ZC3H7B: variants seen among roughly 807,000 people sequenced by gnomAD.
The protein encoded by ZC3H7B is zinc finger CCCH-type containing 7B.
Under a neutral mutation model 116.0 loss-of-function variants are expected in ZC3H7B, and 35 were observed. The ratio of observed to expected loss-of-function variants is 0.30; its 90% CI spans 0.23 to 0.40. ZC3H7B has a LOEUF of 0.40. ZC3H7B is among the 10% of genes least tolerant of loss of function. The pLI is 1.00. For missense variants in ZC3H7B, 1,011 were observed against 1,321.5 expected, an observed-to-expected ratio of 0.77 and a Z score of 3.64; for synonymous variants, 502 against 545.6, an observed-to-expected ratio of 0.92 and a Z score of 1.11.
chr22:41,340,717 C>T (rs1025087904), intron 10 of ZC3H7B, among the ~76,000 whole-genome samples: 4 of 152,214 alleles, frequency 2.6e-5, no homozygotes, highest in Admixed American at 6.5e-5. Flanking sequence ...AAAAGTTCAC[C>T]TGCCAGGCAG....
intron 7 of ZC3H7B, chr22:41,336,783 G>T (rs1438599512): frequency 6.6e-6 from 1 of 152,022 alleles, no homozygotes; most frequent in Non-Finnish European, 1.5e-5. Flanking sequence ...GTCGGAGGTT[G>T]TAGTGAGCTG....
rs780626230 is a variant in ZC3H7B, at chr22:41,340,104, C to T, written c.1105C>T (p.Arg369Ter). 17 of 1,610,656 alleles carry T rather than the reference C, an allele frequency of 1.1e-5. No homozygotes were observed. Among genetic ancestry groups the T allele is most frequent in the Non-Finnish European group, 2.5e-6 (3 of 1,179,134 alleles). The part of the protein sequence containing the change: ...LDALDSFGST[R>*]GSLDKPDSFM... The stretch of plus-strand genomic sequence containing the variant: ...TGCACTCGACAGCTTTGGGTCGACA[C>T]GAGGCTCCCTGGACAAACCTGACTC... The change falls in exon 10 of 23, where the codon CGA (arginine) becomes TGA (stop). Residue 369 changes from arginine (R) to a stop codon, truncating the protein, a stop_gained. Coordinates refer to ENST00000352645, the MANE Select transcript of ZC3H7B (RefSeq NM_017590.6). LOFTEE classifies it high-confidence loss of function.
chr22:41,342,581 C>A lies in ZC3H7B; in HGVS notation c.1250C>A (p.Ala417Asp), dbSNP rs1170651115. 3 of 1,613,334 alleles carry A rather than the reference C, an allele frequency of 1.9e-6. No individual in the cohort carries two copies. Among genetic ancestry groups the A allele is most frequent in the Non-Finnish European group, 1.7e-6 (2 of 1,179,918 alleles). ...TTGCTCATCAAGAACCCCTTGGCTG[C>A]CACCCACGAGTTCAAGCAGGCCTGC... ...TALLIKNPLA[A>D]THEFKQACQL... Residue 417 changes from alanine to aspartate, a missense_variant, in exon 12 of 23, where the codon GCC becomes GAC. Physicochemically the swap from Ala to Asp is moderately radical, Grantham distance 126. Transcript: ENST00000352645.
intron 1 of ZC3H7B, among the ~76,000 whole-genome samples, chr22:41,303,208 G>A (rs2035996798): frequency 6.6e-6 from 1 of 152,242 alleles, no homozygotes; most frequent in South Asian, 2.1e-4. Flanking sequence ...GATGGAGCAT[G>A]TTTGAGAAGT....
At chr22:41,343,599 G>T (rs1167645110) in intron 13 of ZC3H7B, 23 bp downstream of exon 13, 1 of 1,572,958 alleles carries the variant, frequency 6.4e-7, no homozygotes, top group Admixed American at 1.8e-5. Context: ...CAGCGGGGCA[G>T]GCAGCACAGC....
chr22:41,356,956 A>C, intron 22 of ZC3H7B, 148 bp downstream of exon 22: 22 of 1,208,626 alleles, frequency 1.8e-5, no homozygotes, highest in Non-Finnish European at 2.0e-5. Context: ...GTGGTGGGGA[A>C]GGGTGGATGG....
chr22:41,347,337 C>T (rs2036599522), intron 14 of ZC3H7B, among the ~76,000 whole-genome samples: 1 of 152,284 alleles, frequency 6.6e-6, no homozygotes. Context: ...CTTTCCTCGG[C>T]CCTCCTGGCT....
rs2036741209 is a variant in ZC3H7B, at chr22:41,357,674, C to T, written c.*245C>T. 1.7e-6 allele frequency: 1 copy of T among 578,486 alleles called. No homozygotes were observed. Among genetic ancestry groups the T allele is most frequent in the African/African-American group, 1.9e-5 (1 of 53,600 alleles). The allele number at this position is 578,486 out of a possible 1,614,324, so 35.8% of individuals were successfully genotyped here. On this transcript the variant is annotated 3_prime_UTR_variant, in exon 23 of 23. Coordinates refer to ENST00000352645, the MANE Select transcript of ZC3H7B (RefSeq NM_017590.6). This position sits in a 1 kb window ranked among gnomAD's most constrained non-coding sequence, Gnocchi z 5.4. The stretch of plus-strand genomic sequence containing the variant: ...CTGCCCTTCCCCCACCCCCACGGCT[C>T]TCCTGGTTGAGGAGGGAGGGGCCTG...
At chr22:41,355,719 G>A in intron 18 of ZC3H7B, 38 bp from the exon 19 acceptor site, 1 of 1,613,356 alleles carries the variant, frequency 6.2e-7, no homozygotes, top group Non-Finnish European at 8.5e-7. Context: ...CACACAGGCT[G>A]TGCCCTGACC....
chr22:41,334,717 G>A (rs1191260650), intron 7 of ZC3H7B: 1 of 152,294 alleles, frequency 6.6e-6, no homozygotes, highest in Non-Finnish European at 1.5e-5. Context: ...CAGAGCCCCT[G>A]GCCTTCCGTG....
In ZC3H7B at chr22:41,348,123, T is replaced by C. The variant is rs776978779; in HGVS notation, c.1722T>C (p.Ser574=). 6.2e-7 allele frequency: 1 copy of C among 1,614,054 alleles called. No homozygotes were observed. The highest frequency in any genetic ancestry group is 8.5e-7 in the Non-Finnish European group (1 of 1,179,974). The change falls in exon 15 of 23, where the codon TCT becomes TCC. Residue 574 remains serine (S), a synonymous_variant. Coordinates refer to ENST00000352645, the MANE Select transcript of ZC3H7B (RefSeq NM_017590.6). ...GCAAAGGCACCAAGGACTCTCCGTC[T>C]GTCTGCTCCAACCTGGCTGCCAAGC... ...IISKGTKDSP[S]VCSNLAAKHS...
intron 7 of ZC3H7B, among the ~76,000 whole-genome samples, chr22:41,337,898 C>T (rs1273755565): frequency 1.5e-4 from 23 of 149,470 alleles, no homozygotes; most frequent in Middle Eastern, 3.2e-3. Context: ...GGTAGAGTCT[C>T]GCTCTGTTGC....
chr22:41,328,176 TA>T (rs1191488385), intron 5 of ZC3H7B, among the ~76,000 whole-genome samples: 7 of 150,832 alleles, frequency 4.6e-5, no homozygotes, highest in African/African-American at 1.7e-4. Flanking sequence ...CCCTGACCCA[TA>T]TAGCATTTTA....
chr22:41,349,010 A>T lies in ZC3H7B; in HGVS notation c.1767-110A>T. 8.1e-7 allele frequency: 1 copy of T among 1,229,478 alleles called. No homozygotes were observed. Among genetic ancestry groups the T allele is most frequent in the Admixed American group, 2.1e-5 (1 of 47,548 alleles). 76.2% of individuals were successfully genotyped at this position (1,229,478 alleles called of 1,614,324 possible). ...TCCATGGCCTGGATTTGGTACATAG[A>T]TCAGGGGGTGCCCAGGGAGAGCCTG... On this transcript the variant is annotated intron_variant, in intron 15 of 22. Transcript: ENST00000352645. The surrounding 1 kb of genome is among the most constrained non-coding windows in gnomAD (Gnocchi z 4.9).
chr22:41,311,274 A>T (rs540653564), intron 1 of ZC3H7B, among the ~76,000 whole-genome samples: 1 of 151,752 alleles, frequency 6.6e-6, no homozygotes, highest in East Asian at 1.9e-4. Context: ...TGGAGAGGAT[A>T]TGAGGGGTTG....
intron 10 of ZC3H7B, among the ~76,000 whole-genome samples, chr22:41,340,625 G>A (rs1389246380): frequency 1.3e-5 from 2 of 152,124 alleles, no homozygotes; most frequent in African/African-American, 2.4e-5. Context: ...CGGGACTGTC[G>A]GGGCACGGAG....
Position 41,349,838 on chromosome 22 carries a change from C to T in ZC3H7B, c.1948+537C>T, listed in dbSNP as rs2036635624. Reference sequence around the variant, plus strand: ...GAGAACCTACATTTATAAGTGGGGGCCAGACAGATAATATATCAACAGGTG... The same window carrying T: ...GAGAACCTACATTTATAAGTGGGGGTCAGACAGATAATATATCAACAGGTG... On this transcript the variant is annotated intron_variant, in intron 16 of 22. Transcript: ENST00000352645. This position sits in a 1 kb window ranked among gnomAD's most constrained non-coding sequence, Gnocchi z 4.9. Among the ~76,000 whole-genome samples, 1 of 152,204 alleles carries T rather than the reference C, an allele frequency of 6.6e-6. No individual in the cohort carries two copies. The highest frequency in any genetic ancestry group is 6.5e-5 in the Admixed American group (1 of 15,280).
Position 41,315,352 on chromosome 22 carries a change from G to GTTTTT in ZC3H7B, c.-6-5289_-6-5285dup, listed in dbSNP as rs34182958. The stretch of plus-strand genomic sequence containing the variant: ...CCACTATATCCAGCTAATTTCTAGT[G>GTTTTT]TTTTTTTTTTTTTTTTTTGTAGAAA... On this transcript the variant is annotated intron_variant, in intron 1 of 22. Coordinates refer to ENST00000352645, the MANE Select transcript of ZC3H7B (RefSeq NM_017590.6). 9.2e-4 allele frequency among the ~76,000 whole-genome samples: 109 copies of GTTTTT among 118,840 alleles called. 2 individuals carry two copies. The highest frequency in any genetic ancestry group is 1.3e-3 in the Non-Finnish European group (78 of 60,124). The allele number at this position is 118,840 out of a possible 152,430, so 78.0% of individuals were successfully genotyped here.
At chr22:41,341,254 C>A in intron 11 of ZC3H7B, 108 bp downstream of exon 11, 1 of 1,301,626 alleles carries the variant, frequency 7.7e-7, no homozygotes, top group Non-Finnish European at 1.1e-6. Flanking sequence ...GCATTCCCCA[C>A]GGCGGGGCAC....
Sources: allele counts gnomAD v4.1 joint callset (sites outside exome capture counted in the v4.1 genomes callset), GRCh38; gene constraint gnomAD v4.1.1; non-coding constraint Gnocchi (gnomAD v3.1); transcripts MANE v1.5; gene names NCBI Gene and HGNC (gene_info 2026-07-23, HGNC 2026-07-21).